The following SZT2 variants were observed in gnomAD, a reference collection of about 807,000 sequenced individuals.
SZT2 encodes KICSTOR complex protein SZT2.
A neutral mutation model predicts 404.2 loss-of-function variants in SZT2; 216 were observed. The ratio of observed to expected loss-of-function variants is 0.53; its 90% CI spans 0.48 to 0.60. The LOEUF is 0.60. SZT2 is among the 20% of genes least tolerant of loss of function. The pLI is 0.00. For missense variants in SZT2, 3,857 were observed against 4,459.2 expected (o/e 0.86, Z 3.85); for synonymous variants, 1,693 against 1,749.9 (o/e 0.97, Z 0.81).
chr1:43,431,395 G>A (rs1653857194), intron 34 of SZT2, 23 bp downstream of exon 34: 1 of 1,612,910 alleles, frequency 6.2e-7, no homozygotes, highest in Non-Finnish European at 8.5e-7. Flanking sequence ...CTCCCTGTCA[G>A]AGTTCATTAC....
At position 43,453,602 on chromosome 1, in the gene SZT2, C is replaced by T. The variant is rs918019477; in HGVS notation, c.*3122C>T. On this transcript the variant is annotated 3_prime_UTR_variant, in exon 72 of 72. Coordinates refer to ENST00000634258, the MANE Select transcript of SZT2 (RefSeq NM_001365999.1). ...TCCCGGCCCGCGACGCACCCGGGGG[C>T]GTGTTGATCAGTACAAGCCGCAGCC... The T allele has an allele frequency of 2.6e-6, 4 of 1,523,142 alleles. No homozygotes were observed. The highest frequency in any genetic ancestry group is 4.2e-5 in the Admixed American group (2 of 47,218). 94.4% of individuals were successfully genotyped at this position (1,523,142 alleles called of 1,614,324 possible).
In SZT2 at chr1:43,426,229, T is replaced by C; in HGVS notation, c.3043+78T>C. 9 of 1,535,628 alleles carry C rather than the reference T, an allele frequency of 5.9e-6. No individual in the cohort carries two copies. Among genetic ancestry groups the C allele is most frequent in the Non-Finnish European group, 8.0e-6 (9 of 1,130,892 alleles). ...GAAGTATTAGAAAATAACAAACAGA[T>C]GGGTCAGCAAGTGAGCAGATGAGTG... On this transcript the variant is annotated intron_variant, in intron 21 of 71. Transcript: ENST00000634258. This position sits in a 1 kb window ranked among gnomAD's most constrained non-coding sequence, Gnocchi z 4.9.
Position 43,426,867 on chromosome 1 carries a change from A to G in SZT2, c.3309+58A>G. 5 of 1,580,826 alleles carry G rather than the reference A, an allele frequency of 3.2e-6. No homozygotes were observed. Among genetic ancestry groups the G allele is most frequent in the Non-Finnish European group, 3.5e-6 (4 of 1,153,374 alleles). The stretch of plus-strand genomic sequence containing the variant: ...CACACTGACCTCCTTCCAGCACCAC[A>G]TCTTCAGGCCCCAACCTTCTACCGC... On this transcript the variant is annotated intron_variant, in intron 23 of 71. Coordinates refer to ENST00000634258, the MANE Select transcript of SZT2 (RefSeq NM_001365999.1). The surrounding 1 kb of genome is among the most constrained non-coding windows in gnomAD (Gnocchi z 4.9).
rs988529548 is a variant in SZT2, at chr1:43,403,695, C to T, written c.248C>T (p.Pro83Leu). The T allele has an allele frequency of 1.2e-6, 2 of 1,614,032 alleles. No individual in the cohort carries two copies. The highest frequency in any genetic ancestry group is 1.7e-5 in the Admixed American group (1 of 59,990). Residue 83 changes from proline (P) to leucine (L), a missense_variant, in exon 3 of 72, where the codon CCT becomes CTT. Coordinates refer to ENST00000634258, the MANE Select transcript of SZT2 (RefSeq NM_001365999.1). ...GTCCCAAGGCCATTCCTCCTGGTAC[C>T]TTCCACCCGGGTCACCTTCCTGGCT... ...PVVPRPFLLV[P>L]STRVTFLAWQ... is the part of the protein sequence containing the mutation.
chr1:43,423,002 C>A, intron 14 of SZT2, 97 bp from the exon 15 acceptor site: 1 of 1,501,848 alleles, frequency 6.7e-7, no homozygotes, highest in Non-Finnish European at 9.0e-7. Context: ...CAAGGAAGAC[C>A]TGGAGAAGAG....
rs1467293016 is a variant in SZT2, at chr1:43,427,632, G to A, written c.3701G>A (p.Arg1234Gln). 6 of 1,614,038 alleles carry A rather than the reference G, an allele frequency of 3.7e-6. No individual in the cohort carries two copies. Among genetic ancestry groups the A allele is most frequent in the East Asian group, 4.5e-5 (2 of 44,868 alleles). ...CAGACAGAGAGTGCGGATGGGCCCC[G>A]GACCCGGTGTCCTGTCTACATCTAC... The part of the protein sequence containing the change: ...ASQTESADGP[R>Q]TRCPVYIYSC... Residue 1234 changes from arginine to glutamine, a missense_variant, in exon 26 of 72, where the codon CGG becomes CAG. Arg to Gln is a conservative substitution (Grantham distance 43). Transcript: ENST00000634258.
intron 12 of SZT2, 58 bp downstream of exon 12, chr1:43,422,283 G>A: frequency 6.6e-7 from 1 of 1,522,992 alleles, no homozygotes; most frequent in Middle Eastern, 1.8e-4. Context: ...CAGGGGGATA[G>A]GGAATGATGG....
rs777359508 is a variant in SZT2, at chr1:43,443,197, G to T, written c.8429G>T (p.Arg2810Leu). ...TGCCCTCAACCCTCAGAGCTGGAGC[G>T]CCAGATGAAGATGGAAAACCTGTTT... ...IKMAERRELERQMKMENLFVT... is the reference protein window; with the variant it reads ...IKMAERRELELQMKMENLFVT... The change falls in exon 60 of 72, where the codon CGC becomes CTC. Residue 2810 changes from arginine to leucine, a missense_variant. Coordinates refer to ENST00000634258, the MANE Select transcript of SZT2 (RefSeq NM_001365999.1). 1 of 1,614,164 alleles carries T rather than the reference G, an allele frequency of 6.2e-7. No homozygotes were observed. Among genetic ancestry groups the T allele is most frequent in the African/African-American group, 1.3e-5 (1 of 75,020 alleles).
rs200394172 is a variant in SZT2 at position 43,442,123 on chromosome 1, A to G, written c.7866A>G (p.Thr2622=). ...GRNFLQWRRP[T]QQAAKAMQRF... ...ACTTCTTGCAGTGGAGGAGACCAAC[A>G]CAGCAGGGTGAGGGCATGGCCCGGG... The change falls in exon 56 of 72, where the codon ACA becomes ACG. Residue 2622 remains threonine, a synonymous_variant. Coordinates refer to ENST00000634258, the MANE Select transcript of SZT2 (RefSeq NM_001365999.1). This position sits in a 1 kb window ranked among gnomAD's most constrained non-coding sequence, Gnocchi z 4.5. The G allele has an allele frequency of 2.3e-5, 22 of 974,876 alleles. No homozygotes were observed. The highest frequency in any genetic ancestry group is 3.1e-5 in the Non-Finnish European group (21 of 667,718). The allele number at this position is 974,876 out of a possible 1,614,324, so 60.4% of individuals were successfully genotyped here. A position where few individuals can be genotyped will look rare whatever the true frequency, so the allele number is the denominator to read the frequency against.
In SZT2 at chr1:43,422,501, C is replaced by T. The variant is rs151110718; in HGVS notation, c.1791C>T (p.His597=). The change falls in exon 13 of 72, where the codon CAC becomes CAT. Residue 597 remains histidine (H), a synonymous_variant. Coordinates refer to ENST00000634258, the MANE Select transcript of SZT2 (RefSeq NM_001365999.1). The stretch of plus-strand genomic sequence containing the variant: ...CTAGACCAATCCCCAAGCACTTGCA[C>T]ACCCCGGGCAGCAATGGGCGCTACA... ...EHDTPIPKHL[H]TPGSNGRYST... is the part of the protein sequence containing the mutation. 9.5e-4 allele frequency: 1,517 copies of T among 1,592,748 alleles called. 1 individual carries two copies. Among genetic ancestry groups the T allele is most frequent in the Non-Finnish European group, 1.2e-3 (1,423 of 1,176,848 alleles).
chr1:43,415,218 G>A lies in SZT2; in HGVS notation c.630+5G>A. 6.3e-7 allele frequency: 1 copy of A among 1,597,548 alleles called. No individual in the cohort carries two copies. Among genetic ancestry groups the A allele is most frequent in the Non-Finnish European group, 8.5e-7 (1 of 1,179,334 alleles). On this transcript the variant is annotated splice_donor_5th_base_variant and intron_variant, in intron 5 of 71. Transcript: ENST00000634258. ...CAGTACGATCCCCAGAGCCAGGTATGTAAGAGAGAAAGTGGGCAGAGGCAA... is the reference window on the plus strand; with the variant it reads ...CAGTACGATCCCCAGAGCCAGGTATATAAGAGAGAAAGTGGGCAGAGGCAA...
chr1:43,439,689 C>T lies in SZT2; in HGVS notation c.6962C>T (p.Pro2321Leu). The T allele has an allele frequency of 2.5e-6, 4 of 1,612,762 alleles. No individual in the cohort carries two copies. The highest frequency in any genetic ancestry group is 3.4e-6 in the Non-Finnish European group (4 of 1,179,368). Residue 2321 changes from proline (P) to leucine (L), a missense_variant, in exon 50 of 72, where the codon CCC becomes CTC. This residue lies in a region of SZT2 where 573 missense variants were observed against 592.4 expected (regional missense o/e 0.97). Coordinates refer to ENST00000634258, the MANE Select transcript of SZT2 (RefSeq NM_001365999.1). This position sits in a 1 kb window ranked among gnomAD's most constrained non-coding sequence, Gnocchi z 4.2. ...LALWPPSSPG[P>L]PDPLREEEFE... ...TTGTGGCCCCCCTCCTCTCCGGGGC[C>T]CCCAGACCCACTGCGAGAGGAGGAA... is the stretch of plus-strand genomic sequence containing the variant.
At chr1:43,391,369 T>C (rs1254773828) in intron 1 of SZT2, among the ~76,000 whole-genome samples, 2 of 151,502 alleles carry the variant, frequency 1.3e-5, no homozygotes, top group African/African-American at 4.9e-5. Context: ...GAGTCAGGAC[T>C]CCAAAACAGA....
chr1:43,402,420 T>G (rs1441435949), intron 1 of SZT2, among the ~76,000 whole-genome samples: 1 of 152,154 alleles, frequency 6.6e-6, no homozygotes, highest in Non-Finnish European at 1.5e-5. Context: ...AGAGGACTGG[T>G]AAAGGCCTGC....
chr1:43,434,295 C>T (rs995165286), intron 40 of SZT2, 91 bp from the exon 41 acceptor site: 15 of 1,101,988 alleles, frequency 1.4e-5, no homozygotes, highest in African/African-American at 3.2e-5. Flanking sequence ...CCTCGTGATA[C>T]GTATAACTGC....
At position 43,447,877 on chromosome 1, in the gene SZT2, C is replaced by G; in HGVS notation, c.9469C>G (p.Leu3157Val). The G allele has an allele frequency of 6.2e-7, 1 of 1,614,118 alleles. No homozygotes were observed. The highest frequency in any genetic ancestry group is 8.5e-7 in the Non-Finnish European group (1 of 1,180,020). The change falls in exon 68 of 72, where the codon CTT becomes GTT. Residue 3157 changes from leucine (L) to valine (V), a missense_variant. By Grantham distance (32) the Leu-to-Val change is conservative. This residue lies in a region of SZT2 where 717 missense variants were observed against 868.2 expected (regional missense o/e 0.83). Coordinates refer to ENST00000634258, the MANE Select transcript of SZT2 (RefSeq NM_001365999.1). ...SSGSYLDSEG[L>V]RHQDDFDVSL... ...TGGCTCCTACCTGGACTCTGAGGGACTTCGACACCAGGATGACTTTGATGT... is the reference window on the plus strand; with the variant it reads ...TGGCTCCTACCTGGACTCTGAGGGAGTTCGACACCAGGATGACTTTGATGT...
chr1:43,421,191 A>G lies in SZT2; in HGVS notation c.1514A>G (p.Gln505Arg). 1.3e-6 allele frequency: 2 copies of G among 1,598,472 alleles called. No individual in the cohort carries two copies. The highest frequency in any genetic ancestry group is 1.7e-6 in the Non-Finnish European group (2 of 1,179,782). ...TTCTACAGCATCAACCAGACAGACC[A>G]GATGCTTGCCCACCTTCAGTCCTTC... ...NTLQSINQTD[Q>R]MLAHLQSFSS... The change falls in exon 11 of 72, where the codon CAG becomes CGG. Residue 505 changes from glutamine to arginine, a missense_variant. Physicochemically the swap from Gln to Arg is conservative, Grantham distance 43 (BLOSUM62 1). This residue lies in a region of SZT2 where 39 missense variants were observed against 89.7 expected (regional missense o/e 0.43). Transcript: ENST00000634258.
rs1654550478 is a variant in SZT2 at position 43,437,215 on chromosome 1, G to A, written c.6079G>A (p.Ala2027Thr). The change falls in exon 43 of 72, where the codon GCC becomes ACC. Residue 2027 changes from alanine to threonine, a missense_variant. Transcript: ENST00000634258. The surrounding 1 kb of genome is among the most constrained non-coding windows in gnomAD (Gnocchi z 5.3). The stretch of plus-strand genomic sequence containing the variant: ...CTGTGCGCCCCGTGGGTACCTGGCA[G>A]CCACAATGCAGTTTGTCCCTGGCCA... ...ESCAPRGYLA[A>T]TMQFVPGHFS... 7 of 1,614,052 alleles carry A rather than the reference G, an allele frequency of 4.3e-6. No individual in the cohort carries two copies. Among genetic ancestry groups the A allele is most frequent in the Non-Finnish European group, 5.1e-6 (6 of 1,180,050 alleles).
rs1191941815 is a variant in SZT2, at chr1:43,430,936, C to T, written c.4775-13C>T. 3 of 1,606,422 alleles carry T rather than the reference C, an allele frequency of 1.9e-6. No homozygotes were observed. Among genetic ancestry groups the T allele is most frequent in the East Asian group, 4.5e-5 (2 of 44,854 alleles). ...AGAGCCCTCAGCAACTGCTAACTTT[C>T]CCCCTCTCCCAGGCCAGGTGCTTTC... On this transcript the variant is annotated splice_polypyrimidine_tract_variant and intron_variant, in intron 32 of 71. Transcript: ENST00000634258.
Sources: allele counts gnomAD v4.1 joint callset (sites outside exome capture counted in the v4.1 genomes callset), GRCh38; gene constraint gnomAD v4.1.1; regional missense constraint gnomAD v4.1.1; non-coding constraint Gnocchi (gnomAD v3.1); transcripts MANE v1.5; gene names NCBI Gene and HGNC (gene_info 2026-07-23, HGNC 2026-07-21).